Variants in HORMAD2 observed in about 807,000 individuals in gnomAD.
HORMAD2 encodes HORMA domain containing 2, also known as HORMA domain-containing protein 2.
Under a neutral mutation model 38.8 loss-of-function variants are expected in HORMAD2, and 45 were observed. The ratio of observed to expected loss-of-function variants is 1.16; its 90% CI spans 0.91 to 1.49. The LOEUF (loss-of-function observed/expected upper bound fraction) is 1.49. Among genes scored for constraint, HORMAD2 ranks in the 40% most tolerant of loss-of-function variants. HORMAD2 has a pLI of 0.00. For synonymous variants in HORMAD2, 126 were observed against 122.8 expected (o/e 1.03, Z -0.17); for missense variants, 338 against 367.0 (o/e 0.92, Z 0.65).
rs141731823 is a variant in HORMAD2, at chr22:30,139,684, G to A, written c.819+17470G>A. On this transcript the variant is annotated intron_variant, in intron 10 of 10. Coordinates refer to ENST00000336726, the MANE Select transcript of HORMAD2 (RefSeq NM_152510.4). ...TTGTCTTGTTCCTAATCTTAGAGAA[G>A]CATCTAATTTTTCATCATTAGGTAT... Among the ~76,000 whole-genome samples the A allele has an allele frequency of 3.2e-3, 490 of 152,012 alleles. 2 individuals are homozygous for A. Among genetic ancestry groups the A allele is most frequent in the Non-Finnish European group, 4.5e-3 (303 of 67,984 alleles).
intron 5 of HORMAD2, among the ~76,000 whole-genome samples, chr22:30,110,914 T>C (rs776037141): frequency 6.6e-6 from 1 of 151,572 alleles, no homozygotes; most frequent in Non-Finnish European, 1.5e-5. Context: ...TCCCAACACT[T>C]TGGGAGGCCG....
chr22:30,190,448 G>A, the HORMAD2 span, among the ~76,000 whole-genome samples: 19 of 152,318 alleles, frequency 1.2e-4, no homozygotes, highest in African/African-American at 3.6e-4. Flanking sequence ...TCCCTAGCAC[G>A]GTTATCTCTT....
chr22:30,121,917 G>A, intron 9 of HORMAD2, 47 bp from the exon 10 acceptor site: 1 of 1,581,394 alleles, frequency 6.3e-7, no homozygotes, highest in African/African-American at 1.3e-5. Flanking sequence ...CGGATTTGTT[G>A]TATTGAAACT....
chr22:30,121,912 T>C (rs1429385273), intron 9 of HORMAD2, 52 bp from the exon 10 acceptor site: 1 of 1,574,492 alleles, frequency 6.4e-7, no homozygotes, highest in African/African-American at 1.4e-5. Flanking sequence ...TTAATCGGAT[T>C]TGTTGTATTG....
At chr22:30,113,508 G>T (rs569334923) in intron 7 of HORMAD2, among the ~76,000 whole-genome samples, 2 of 152,086 alleles carry the variant, frequency 1.3e-5, no homozygotes, top group African/African-American at 4.8e-5. Context: ...AAAGTGCTGG[G>T]ATTACTGGCA....
At chr22:30,186,071 T>C in the HORMAD2 span, among the ~76,000 whole-genome samples, 9 of 152,206 alleles carry the variant, frequency 5.9e-5, no homozygotes, top group African/African-American at 1.9e-4. Context: ...ATTTTAAAGG[T>C]GATAGTTAAC....
intron 2 of HORMAD2, among the ~76,000 whole-genome samples, chr22:30,095,617 TTA>T (rs1232076977): frequency 1.3e-5 from 2 of 152,208 alleles, no homozygotes; most frequent in African/African-American, 2.4e-5. Context: ...GAGAGGATTT[TTA>T]TATGTTTTGC....
chr22:30,118,310 C>G lies in HORMAD2; in HGVS notation c.343-670C>G, dbSNP rs149697895. 4.0e-3 allele frequency among the ~76,000 whole-genome samples: 606 copies of G among 152,196 alleles called. 3 individuals are homozygous for G. The highest frequency in any genetic ancestry group is 0.014 in the African/African-American group (580 of 41,514). On this transcript the variant is annotated intron_variant, in intron 7 of 10. Transcript: ENST00000336726. The stretch of plus-strand genomic sequence containing the variant: ...AGAGGCATCCCTCCCCACTTCAGAG[C>G]CTTTGCATTGCTGTTCCCTCTGCCT...
intron 7 of HORMAD2, among the ~76,000 whole-genome samples, chr22:30,112,995 G>A (rs995562015): frequency 3.3e-5 from 5 of 151,538 alleles, no homozygotes; most frequent in Admixed American, 2.0e-4. Flanking sequence ...CCCTCTTTTC[G>A]TGTTTTTATA....
chr22:30,190,539 A>AG, the HORMAD2 span, among the ~76,000 whole-genome samples: 1 of 152,230 alleles, frequency 6.6e-6, no homozygotes. Context: ...ACCCCTGCTA[A>AG]GGGGGTGACA....
At chr22:30,145,850 A>C (rs1201293995) in intron 10 of HORMAD2, among the ~76,000 whole-genome samples, 2 of 152,204 alleles carry the variant, frequency 1.3e-5, no homozygotes, top group East Asian at 1.9e-4. Context: ...TTCTTTAAGA[A>C]TATAGAGGAG....
At chr22:30,190,447 C>T in the HORMAD2 span, among the ~76,000 whole-genome samples, 8 of 152,216 alleles carry the variant, frequency 5.3e-5, no homozygotes, top group South Asian at 2.1e-4. Context: ...ATCCCTAGCA[C>T]GGTTATCTCT....
At chr22:30,202,098 T>A in the HORMAD2 span, among the ~76,000 whole-genome samples, 9 of 152,174 alleles carry the variant, frequency 5.9e-5, no homozygotes, top group Admixed American at 5.9e-4. Context: ...GGCAGTGAAC[T>A]TAAAGCAGTT....
intron 10 of HORMAD2, among the ~76,000 whole-genome samples, chr22:30,175,383 T>C (rs1926395545): frequency 6.9e-6 from 1 of 145,898 alleles, no homozygotes; most frequent in Non-Finnish European, 1.5e-5. Context: ...TGGAAAAACC[T>C]TTCCTCCCAT....
chr22:30,094,681 A>T (rs1042401286), intron 2 of HORMAD2, among the ~76,000 whole-genome samples: 5 of 152,198 alleles, frequency 3.3e-5, no homozygotes, highest in African/African-American at 1.2e-4. Context: ...TAGAGATTTC[A>T]TGTGGACTGG....
chr22:30,090,132 G>A (rs1013392059), intron 1 of HORMAD2, among the ~76,000 whole-genome samples: 1 of 152,200 alleles, frequency 6.6e-6, no homozygotes, highest in Non-Finnish European at 1.5e-5. Context: ...GGAGGATGAG[G>A]CGGGTGGATT....
intron 2 of HORMAD2, among the ~76,000 whole-genome samples, chr22:30,098,605 A>G (rs1004577299): frequency 6.6e-6 from 1 of 152,226 alleles, no homozygotes; most frequent in African/African-American, 2.4e-5. Flanking sequence ...CTCCAGTTTC[A>G]TGGATCATTG....
chr22:30,135,314 C>A (rs1190993286), intron 10 of HORMAD2, among the ~76,000 whole-genome samples: 4 of 151,730 alleles, frequency 2.6e-5, no homozygotes, highest in Admixed American at 2.0e-4. Flanking sequence ...GGAATGGGAT[C>A]CTTGACAGAA....
chr22:30,104,362 A>G (rs201407013), intron 4 of HORMAD2, 39 bp from the exon 5 acceptor site: 2 of 1,579,254 alleles, frequency 1.3e-6, no homozygotes, highest in Non-Finnish European at 1.7e-6. Flanking sequence ...TTGGATTTGC[A>G]TATGGTCCAA....
Sources: allele counts gnomAD v4.1 joint callset (sites outside exome capture counted in the v4.1 genomes callset), GRCh38; gene constraint gnomAD v4.1.1; transcripts MANE v1.5; gene names NCBI Gene and HGNC (gene_info 2026-07-23, HGNC 2026-07-21).